Variants in IQCH observed in about 807,000 individuals in gnomAD.
IQCH encodes the protein IQ motif containing H.
In IQCH, 98 loss-of-function variants were observed where a neutral mutation model predicts 117.0. The observed-to-expected ratio is 0.84, with a 90% confidence interval of 0.71 to 0.99. The LOEUF (loss-of-function observed/expected upper bound fraction) is 0.99, where lower values mean the gene tolerates loss of function less well. Among genes scored for constraint, IQCH ranks in the 50% least tolerant of loss-of-function variants. The pLI, the probability that IQCH is intolerant of heterozygous loss-of-function variation, is 0.00. For synonymous variants in IQCH, 412 were observed against 448.2 expected (o/e 0.92, Z 1.02); for missense variants, 1,102 against 1,243.8 (o/e 0.89, Z 1.72).
At chr15:67,313,350 A>C (rs934675947) in intron 4 of IQCH, among the ~76,000 whole-genome samples, 3 of 152,134 alleles carry the variant, frequency 2.0e-5, no homozygotes, top group African/African-American at 7.2e-5. Flanking sequence ...CTAAAGACAA[A>C]TTCTTTATCT....
chr15:67,329,159 C>T (rs1968546270), intron 4 of IQCH, among the ~76,000 whole-genome samples: 1 of 151,966 alleles, frequency 6.6e-6, no homozygotes, highest in South Asian at 2.1e-4. Flanking sequence ...ATTACCCAGG[C>T]CTGGTGGTGT....
At chr15:67,409,842 A>G (rs548615500) in intron 14 of IQCH, among the ~76,000 whole-genome samples, 93 of 152,366 alleles carry the variant, frequency 6.1e-4, no homozygotes, top group African/African-American at 1.9e-3. Context: ...CTACAGCAGC[A>G]TAATTTTCCA....
rs2083950897 is a variant in IQCH at position 67,500,513 on chromosome 15, G to T, written c.2971-120G>T. On this transcript the variant is annotated intron_variant, in intron 20 of 20. Coordinates refer to ENST00000335894, the MANE Select transcript of IQCH (RefSeq NM_001031715.3). The surrounding 1 kb of genome is among the most constrained non-coding windows in gnomAD (Gnocchi z 4.4). Reference sequence around the variant, plus strand: ...CATAATCTGTAGACAAATGCCAGTTGGTAGAATACATTCTGAATAGAACTG... The same window carrying T: ...CATAATCTGTAGACAAATGCCAGTTTGTAGAATACATTCTGAATAGAACTG... 10 of 446,624 alleles carry T rather than the reference G, an allele frequency of 2.2e-5. No individual in the cohort carries two copies. The East Asian group carries it at 3.1e-4, about 14-fold the overall frequency. The allele number at this position is 446,624 out of a possible 1,614,324, so 27.7% of individuals were successfully genotyped here.
At chr15:67,486,462 C>T (rs1474070008) in intron 18 of IQCH, among the ~76,000 whole-genome samples, 2 of 152,110 alleles carry the variant, frequency 1.3e-5, no homozygotes, top group Admixed American at 6.5e-5. Flanking sequence ...AATAAATATC[C>T]CACATATCCC....
chr15:67,350,715 C>T (rs543318805), intron 6 of IQCH, among the ~76,000 whole-genome samples: 5 of 152,154 alleles, frequency 3.3e-5, no homozygotes, highest in East Asian at 1.9e-4. Flanking sequence ...TGTGAGCCAC[C>T]GTGCCTAGCC....
intron 3 of IQCH, among the ~76,000 whole-genome samples, chr15:67,276,980 C>A (rs934028612): frequency 6.6e-6 from 1 of 152,104 alleles, no homozygotes; most frequent in Non-Finnish European, 1.5e-5. Flanking sequence ...ACTGAATATT[C>A]TGTACTGTTT....
intron 6 of IQCH, among the ~76,000 whole-genome samples, chr15:67,348,581 C>T (rs935113205): frequency 6.6e-6 from 1 of 152,072 alleles, no homozygotes; most frequent in Non-Finnish European, 1.5e-5. Context: ...CCTATGGATG[C>T]TGGATGCTAT....
intron 4 of IQCH, chr15:67,304,370 A>C (rs1317211741): frequency 6.5e-7 from 1 of 1,532,198 alleles, no homozygotes; most frequent in Admixed American, 2.0e-5. Context: ...AAAATCTTGC[A>C]GGATCCTGAA....
intron 16 of IQCH, among the ~76,000 whole-genome samples, chr15:67,444,129 A>G (rs953480515): frequency 5.9e-5 from 9 of 152,246 alleles, no homozygotes; most frequent in African/African-American, 2.2e-4. Context: ...TTTCTCTTAT[A>G]TGTCCTCAAT....
At chr15:67,335,520 A>G (rs535270856) in intron 4 of IQCH, among the ~76,000 whole-genome samples, 3 of 152,242 alleles carry the variant, frequency 2.0e-5, no homozygotes, top group South Asian at 2.1e-4. Flanking sequence ...ATTCTCAGCT[A>G]TGTACATGCC....
At chr15:67,397,161 C>T (rs1211568336) in intron 13 of IQCH, among the ~76,000 whole-genome samples, 2 of 152,218 alleles carry the variant, frequency 1.3e-5, no homozygotes, top group Non-Finnish European at 2.9e-5. Context: ...ATGTACTATA[C>T]ATTAAACAAC....
At chr15:67,282,320 A>G (rs1168560197) in intron 4 of IQCH, 1 of 151,902 alleles carries the variant, frequency 6.6e-6, no homozygotes, top group Non-Finnish European at 1.5e-5. Flanking sequence ...AAATTAGGCT[A>G]TTTTAGAATG....
chr15:67,485,540 A>C (rs1273976029), intron 18 of IQCH, among the ~76,000 whole-genome samples: 1 of 152,244 alleles, frequency 6.6e-6, no homozygotes, highest in Non-Finnish European at 1.5e-5. Flanking sequence ...GACATCACAA[A>C]CACATATCCA....
rs1803871379 is a variant in IQCH, at chr15:67,370,798, A to G, written c.754-1313A>G. ...AAGTCTGCTTCTAAAGTGAAAGGAA[A>G]TTTGCACTTTTGGACTTAACACTTG... On this transcript the variant is annotated intron_variant, in intron 8 of 20. Transcript: ENST00000335894. The surrounding 1 kb of genome is among the most constrained non-coding windows in gnomAD (Gnocchi z 5.6). Among the ~76,000 whole-genome samples, 1 of 152,160 alleles carries G rather than the reference A, an allele frequency of 6.6e-6. No individual in the cohort carries two copies. The highest frequency in any genetic ancestry group is 2.4e-5 in the African/African-American group (1 of 41,440).
intron 16 of IQCH, among the ~76,000 whole-genome samples, chr15:67,462,832 A>G (rs894805016): frequency 6.6e-6 from 1 of 152,216 alleles, no homozygotes; most frequent in Non-Finnish European, 1.5e-5. Flanking sequence ...ACTTTCTCAT[A>G]TTAAGGGAAA....
intron 4 of IQCH, among the ~76,000 whole-genome samples, chr15:67,280,496 A>G (rs779550890): frequency 3.9e-5 from 6 of 152,228 alleles, no homozygotes; most frequent in Non-Finnish European, 5.9e-5. Context: ...GTTTGCAGAC[A>G]GTTTTCTTCA....
rs369387232 is a variant in IQCH at position 67,365,469 on chromosome 15, C to T, written c.753+5584C>T. On this transcript the variant is annotated intron_variant, in intron 8 of 20. Transcript: ENST00000335894. This position sits in a 1 kb window ranked among gnomAD's most constrained non-coding sequence, Gnocchi z 4.4. ...AATCCTTTTTGACCTTTACCGTGTG[C>T]CAGGCAGTGTACTAGATAGGCACTG... is the stretch of plus-strand genomic sequence containing the variant. Among the ~76,000 whole-genome samples, 2 of 152,094 alleles carry T rather than the reference C, an allele frequency of 1.3e-5. No homozygotes were observed. The highest frequency in any genetic ancestry group is 2.9e-5 in the Non-Finnish European group (2 of 68,014).
Position 67,382,878 on chromosome 15 carries a change from A to G in IQCH, c.1373-2058A>G, listed in dbSNP as rs550990894. 1.5e-3 allele frequency among the ~76,000 whole-genome samples: 222 copies of G among 152,344 alleles called. 2 individuals are homozygous for G. Among genetic ancestry groups the G allele is most frequent in the Non-Finnish European group, 2.5e-3 (169 of 68,034 alleles). On this transcript the variant is annotated intron_variant, in intron 10 of 20. Coordinates refer to ENST00000335894, the MANE Select transcript of IQCH (RefSeq NM_001031715.3). ...CCTGTCTACTGAACTCCCACAAACC[A>G]TGACATCCTTGTTGATAGTTTCGTG...
rs548962128 is a variant in IQCH, at chr15:67,413,820, A to G, written c.2098-3111A>G. Among the ~76,000 whole-genome samples the G allele has an allele frequency of 3.3e-5, 5 of 152,276 alleles. No individual in the cohort carries two copies. The South Asian group carries it at 1.0e-3, about 32-fold the overall frequency. ...CATGGTAGGACACGATTACTCCTCC[A>G]GATTCCAGCAGCCGACTTTCCTCTA... On this transcript the variant is annotated intron_variant, in intron 14 of 20. Coordinates refer to ENST00000335894, the MANE Select transcript of IQCH (RefSeq NM_001031715.3). The surrounding 1 kb of genome is among the most constrained non-coding windows in gnomAD (Gnocchi z 5.0).
Sources: gnomAD v4.1 joint callset for allele counts (sites outside exome capture counted in the v4.1 genomes callset) on GRCh38, gnomAD v4.1.1 for gene constraint, Gnocchi (gnomAD v3.1) non-coding constraint, MANE v1.5 for transcripts, NCBI Gene and HGNC (gene_info 2026-07-23, HGNC 2026-07-21) for gene names.